The following SNX30 variants were observed in gnomAD, a reference collection of about 807,000 sequenced individuals.
SNX30 encodes the protein sorting nexin-30.
In SNX30, 24 loss-of-function variants were observed where a neutral mutation model predicts 46.4. The observed-to-expected ratio is 0.52, with a 90% confidence interval of 0.37 to 0.73. SNX30 has a LOEUF of 0.73. SNX30 is among the 30% of genes least tolerant of loss of function. SNX30 has a pLI of 0.00. For missense variants in SNX30, 533 were observed against 555.7 expected, an observed-to-expected ratio of 0.96 and a Z score of 0.41; for synonymous variants, 189 against 211.5, an observed-to-expected ratio of 0.89 and a Z score of 0.92.
Position 112,813,451 on chromosome 9 carries a change from C to T in SNX30, c.349-4254C>T, listed in dbSNP as rs532637329. ...CTATGATTGTGCCACTGCCTTCCAG[C>T]CTGGGGGACTGTATTTAATTTTTTT... On this transcript the variant is annotated intron_variant, in intron 2 of 8. Transcript: ENST00000374232. Among the ~76,000 whole-genome samples, 64 of 148,328 alleles carry T rather than the reference C, an allele frequency of 4.3e-4. No individual in the cohort carries two copies. The South Asian group carries it at 0.012, about 28-fold the overall frequency.
At chr9:112,844,368 A>G (rs1840905226) in intron 6 of SNX30, among the ~76,000 whole-genome samples, 2 of 152,156 alleles carry the variant, frequency 1.3e-5, no homozygotes, top group Admixed American at 1.3e-4. Context: ...ATGTCATGGC[A>G]GTTGGTTTTG....
In SNX30 at chr9:112,860,805, C is replaced by T. The variant is rs574281714; in HGVS notation, c.1102-3442C>T. Among the ~76,000 whole-genome samples, 4 of 152,220 alleles carry T rather than the reference C, an allele frequency of 2.6e-5. No individual in the cohort carries two copies. The East Asian group carries it at 7.7e-4, about 29-fold the overall frequency. On this transcript the variant is annotated intron_variant, in intron 7 of 8. Transcript: ENST00000374232. ...CTGTTTTATAACACATGGAATAAAGCTTGAGGAGCTGTGCAAGGGATAGAT... is the reference window on the plus strand; with the variant it reads ...CTGTTTTATAACACATGGAATAAAGTTTGAGGAGCTGTGCAAGGGATAGAT...
chr9:112,760,610 G>A (rs1213026164), intron 1 of SNX30, among the ~76,000 whole-genome samples: 1 of 152,114 alleles, frequency 6.6e-6, no homozygotes, highest in African/African-American at 2.4e-5. Flanking sequence ...GAGGAAGAGG[G>A]GCAAGATCAT....
intron 1 of SNX30, among the ~76,000 whole-genome samples, chr9:112,763,179 T>TATATA (rs113770431): frequency 6.6e-6 from 1 of 151,002 alleles, no homozygotes; most frequent in African/African-American, 2.4e-5. Context: ...TATATATATA[T>TATATA]TTTTTAGAGA....
At chr9:112,860,365 C>T (rs1841207321) in intron 7 of SNX30, among the ~76,000 whole-genome samples, 1 of 152,186 alleles carries the variant, frequency 6.6e-6, no homozygotes, top group African/African-American at 2.4e-5. Context: ...TTATCTCACC[C>T]CGCTTTGTGG....
At chr9:112,848,778 A>T (rs576731611) in intron 6 of SNX30, among the ~76,000 whole-genome samples, 2 of 152,254 alleles carry the variant, frequency 1.3e-5, no homozygotes, top group South Asian at 4.1e-4. Flanking sequence ...GGAGAGAGGG[A>T]TATGGCTGGA....
downstream of SNX30, chr9:112,877,751 GCT>G (rs1014052871): frequency 4.0e-5 from 6 of 151,532 alleles, no homozygotes; most frequent in African/African-American, 1.5e-4. Context: ...AGGCAATCTT[GCT>G]CTCTCACCCA....
At chr9:112,774,007 T>C (rs570829659) in intron 1 of SNX30, among the ~76,000 whole-genome samples, 42 of 152,366 alleles carry the variant, frequency 2.8e-4, no homozygotes, top group African/African-American at 8.2e-4. Flanking sequence ...AAGAAAGGTT[T>C]ATTTCACTGG....
downstream of SNX30, chr9:112,878,302 T>G (rs774259617): frequency 4.6e-5 from 7 of 152,306 alleles, no homozygotes; most frequent in Non-Finnish European, 1.0e-4. Context: ...TACTTGTCCT[T>G]CCGTCTGCTG....
chr9:112,867,292 C>T (rs188594397), intron 8 of SNX30, among the ~76,000 whole-genome samples: 10 of 149,618 alleles, frequency 6.7e-5, no homozygotes, highest in Admixed American at 6.6e-4. Context: ...GATTCCTCCT[C>T]CCTCCTCAGA....
At chr9:112,821,061 A>G (rs1414224412) in intron 3 of SNX30, among the ~76,000 whole-genome samples, 1 of 152,132 alleles carries the variant, frequency 6.6e-6, no homozygotes, top group African/African-American at 2.4e-5. Flanking sequence ...TAATTGTTGA[A>G]TCATACATAA....
At chr9:112,827,528 G>A (rs1840595766) in intron 3 of SNX30, among the ~76,000 whole-genome samples, 2 of 152,220 alleles carry the variant, frequency 1.3e-5, no homozygotes, top group South Asian at 4.1e-4. Context: ...TTTTCCAGGG[G>A]GTGGGGTGTT....
chr9:112,840,718 A>G (rs1840841609), intron 6 of SNX30, among the ~76,000 whole-genome samples: 1 of 151,426 alleles, frequency 6.6e-6, no homozygotes, highest in Admixed American at 6.6e-5. Context: ...TGACCTTATG[A>G]TCCATCCGCC....
rs191576043 is a variant in SNX30 at position 112,810,862 on chromosome 9, G to C, written c.348+5895G>C. Reference sequence around the variant, plus strand: ...TCACTGGATGGCACGAGCCTCAGAAGGGTTTTCACAGGGCGGTTGGGGAGT... The same window carrying C: ...TCACTGGATGGCACGAGCCTCAGAACGGTTTTCACAGGGCGGTTGGGGAGT... On this transcript the variant is annotated intron_variant, in intron 2 of 8. Transcript: ENST00000374232. 4.6e-5 allele frequency among the ~76,000 whole-genome samples: 7 copies of C among 152,256 alleles called. No homozygotes were observed. The East Asian group carries it at 1.4e-3, about 29-fold the overall frequency.
chr9:112,882,352 C>T (rs1841590452), downstream of SNX30, among the ~76,000 whole-genome samples: 1 of 152,156 alleles, frequency 6.6e-6, no homozygotes, highest in South Asian at 2.1e-4. Context: ...AGCAATTCCC[C>T]CACCTCAGCC....
intron 1 of SNX30, among the ~76,000 whole-genome samples, chr9:112,773,747 A>G (rs562538703): frequency 1.3e-5 from 2 of 152,358 alleles, no homozygotes; most frequent in East Asian, 3.9e-4. Context: ...GTGAGCTAGG[A>G]TTCATTTACT....
At chr9:112,753,514 C>T (rs1173265259) in intron 1 of SNX30, among the ~76,000 whole-genome samples, 1 of 152,184 alleles carries the variant, frequency 6.6e-6, no homozygotes, top group Non-Finnish European at 1.5e-5. Context: ...TCCCGTATAG[C>T]TGTGATTACA....
intron 6 of SNX30, among the ~76,000 whole-genome samples, chr9:112,845,542 C>G (rs1255017968): frequency 1.3e-5 from 2 of 152,174 alleles, no homozygotes; most frequent in Non-Finnish European, 2.9e-5. Flanking sequence ...GAGGGGGCCT[C>G]TGTGGAGCAA....
intron 6 of SNX30, among the ~76,000 whole-genome samples, chr9:112,843,655 C>T (rs990002498): frequency 8.8e-6 from 1 of 113,938 alleles, no homozygotes; most frequent in Admixed American, 1.2e-4. Flanking sequence ...TAGACAGAGT[C>T]TCACTCTGTT....
Sources: allele counts gnomAD v4.1 joint callset (sites outside exome capture counted in the v4.1 genomes callset), GRCh38; gene constraint gnomAD v4.1.1; transcripts MANE v1.5; gene names NCBI Gene and HGNC (gene_info 2026-07-23, HGNC 2026-07-21).